Variants in DNAI1 observed in about 807,000 individuals in gnomAD.
DNAI1 encodes the protein dynein axonemal intermediate chain 1.
A neutral mutation model predicts 92.0 loss-of-function variants in DNAI1; 67 were observed. That is an observed-to-expected ratio of 0.73 (90% CI 0.60 to 0.89). DNAI1 has a LOEUF of 0.89. DNAI1 is among the 40% of genes least tolerant of loss of function. The pLI, the probability that DNAI1 is intolerant of heterozygous loss-of-function variation, is 0.00. For synonymous variants in DNAI1, 323 were observed against 319.6 expected (o/e 1.01, Z -0.11); for missense variants, 839 against 866.6 (o/e 0.97, Z 0.40).
At position 34,498,717 on chromosome 9, in the gene DNAI1, G is replaced by A. The variant is rs140007455; in HGVS notation, c.901+1518G>A. On this transcript the variant is annotated intron_variant, in intron 10 of 19. Coordinates refer to ENST00000242317, the MANE Select transcript of DNAI1 (RefSeq NM_012144.4). ...GCCTTCCCAGAGTTGGCAGCTCCTC[G>A]ATGCTGGCTGGTCTCCTTTGCTGAC... Among the ~76,000 whole-genome samples, 9 of 152,274 alleles carry A rather than the reference G, an allele frequency of 5.9e-5. No individual in the cohort carries two copies. In the East Asian group the frequency reaches 1.2e-3, roughly 20 times the overall value.
intron 1 of DNAI1, among the ~76,000 whole-genome samples, chr9:34,471,255 C>G (rs1824128315): frequency 6.7e-6 from 1 of 149,942 alleles, no homozygotes; most frequent in South Asian, 2.1e-4. Flanking sequence ...AGTGAGACCC[C>G]TTCTCTACCA....
At chr9:34,499,247 G>C (rs1251157845) in intron 10 of DNAI1, among the ~76,000 whole-genome samples, 1 of 152,158 alleles carries the variant, frequency 6.6e-6, no homozygotes, top group Non-Finnish European at 1.5e-5. Context: ...AATCTTTTTT[G>C]TTCTGAGACA....
intron 1 of DNAI1, among the ~76,000 whole-genome samples, chr9:34,482,065 A>G (rs556437201): frequency 6.6e-6 from 1 of 152,276 alleles, no homozygotes; most frequent in South Asian, 2.1e-4. Context: ...CCACCTCCCC[A>G]TCAGATTAGT....
rs2132083778 is a variant in DNAI1 at position 34,514,429 on chromosome 9, C to G, written c.1605C>G (p.Thr535=). The G allele has an allele frequency of 6.2e-7, 1 of 1,614,236 alleles. No homozygotes were observed. The highest frequency in any genetic ancestry group is 8.5e-7 in the Non-Finnish European group (1 of 1,180,046). ...SKSYSSQFLD[T]YDAHNMSVDT... is the part of the protein sequence containing the mutation. ...CCTACTCCAGCCAATTCCTCGACAC[C>G]TATGACGCCCACAACATGTCAGTGG... is the stretch of plus-strand genomic sequence containing the variant. The change falls in exon 17 of 20, where the codon ACC becomes ACG. Residue 535 remains threonine, a synonymous_variant. Coordinates refer to ENST00000242317, the MANE Select transcript of DNAI1 (RefSeq NM_012144.4).
intron 13 of DNAI1, among the ~76,000 whole-genome samples, chr9:34,510,649 C>G (rs1219394130): frequency 6.6e-6 from 1 of 152,084 alleles, no homozygotes; most frequent in Non-Finnish European, 1.5e-5. Flanking sequence ...ACACACACCA[C>G]CCCCCACTGG....
In DNAI1 at chr9:34,472,286, G is replaced by T. The variant is rs147035766; in HGVS notation, c.49-11162G>T. 1.9e-3 allele frequency among the ~76,000 whole-genome samples: 290 copies of T among 152,314 alleles called. 8 individuals are homozygous for T. Among genetic ancestry groups the T allele is most frequent in the Admixed American group, 0.016 (247 of 15,296 alleles). On this transcript the variant is annotated intron_variant, in intron 1 of 19. Transcript: ENST00000242317. ...TTCTCCCCCTTACAGATGCAGAAAT[G>T]AAGTTTAGGGACTAAACGCCTTGCT... is the stretch of plus-strand genomic sequence containing the variant.
intron 19 of DNAI1, 115 bp downstream of exon 19, chr9:34,517,582 T>C: frequency 1.6e-6 from 2 of 1,234,020 alleles, no homozygotes; most frequent in Non-Finnish European, 2.3e-6. Flanking sequence ...AGACCCAGGG[T>C]AAGGATGGTG....
intron 13 of DNAI1, among the ~76,000 whole-genome samples, chr9:34,507,754 G>C (rs144496140): frequency 2.8e-4 from 43 of 152,334 alleles, no homozygotes; most frequent in African/African-American, 9.9e-4. Flanking sequence ...GCTGCTGCTG[G>C]TTGCCTGCCC....
Position 34,513,863 on chromosome 9 carries a change from G to C in DNAI1, c.1570-531G>C, listed in dbSNP as rs527565019. 2.6e-5 allele frequency among the ~76,000 whole-genome samples: 4 copies of C among 152,044 alleles called. No homozygotes were observed. In the East Asian group the frequency reaches 7.7e-4, roughly 29 times the overall value. On this transcript the variant is annotated intron_variant, in intron 16 of 19. Coordinates refer to ENST00000242317, the MANE Select transcript of DNAI1 (RefSeq NM_012144.4). ...AGTCACACTGTCTTCTGGAGGGAGG[G>C]AGAAAGGGGCATGCTGGTCAGGGCA...
rs763333062 is a variant in DNAI1, at chr9:34,514,454, G to T, written c.1630G>T (p.Asp544Tyr). Reference protein sequence around the residue: ...DTYDAHNMSVDTVSWNPYHTK... With the variant: ...DTYDAHNMSVYTVSWNPYHTK... ...CTATGACGCCCACAACATGTCAGTG[G>T]ACACTGTGTCCTGGAACCCATACCA... The change falls in exon 17 of 20, where the codon GAC becomes TAC. Residue 544 changes from aspartate (D) to tyrosine (Y), a missense_variant. By Grantham distance (160) the Asp-to-Tyr change is radical. Coordinates refer to ENST00000242317, the MANE Select transcript of DNAI1 (RefSeq NM_012144.4). The T allele has an allele frequency of 6.2e-7, 1 of 1,614,202 alleles. No individual in the cohort carries two copies. Among genetic ancestry groups the T allele is most frequent in the South Asian group, 1.1e-5 (1 of 91,090 alleles).
In DNAI1 at chr9:34,506,761, G is replaced by C; in HGVS notation, c.1198G>C (p.Ala400Pro). The C allele has an allele frequency of 6.2e-7, 1 of 1,614,174 alleles. No homozygotes were observed. The highest frequency in any genetic ancestry group is 8.5e-7 in the Non-Finnish European group (1 of 1,180,040). Reference sequence around the variant, plus strand: ...CCACGTGGACCACCCCTACCTGGTGGCAGTAGGCCACTATGACGGCAACGT... The same window carrying C: ...CCACGTGGACCACCCCTACCTGGTGCCAGTAGGCCACTATGACGGCAACGT... The part of the protein sequence containing the change: ...DIHVDHPYLV[A>P]VGHYDGNVAI... Residue 400 changes from alanine (A) to proline (P), a missense_variant, in exon 13 of 20, where the codon GCA becomes CCA. By Grantham distance (27) the Ala-to-Pro change is conservative. Transcript: ENST00000242317.
chr9:34,465,520 T>C (rs1326597095), intron 1 of DNAI1, among the ~76,000 whole-genome samples: 1 of 152,252 alleles, frequency 6.6e-6, no homozygotes, highest in African/African-American at 2.4e-5. Context: ...TTTGTTATGA[T>C]TATAGTCATG....
intron 1 of DNAI1, among the ~76,000 whole-genome samples, chr9:34,481,379 C>T (rs552693151): frequency 1.3e-5 from 2 of 152,322 alleles, no homozygotes; most frequent in East Asian, 3.9e-4. Context: ...TCGTGATCTT[C>T]ATGGGTCAGT....
chr9:34,462,574 A>G (rs1271572992), intron 1 of DNAI1, among the ~76,000 whole-genome samples: 2 of 152,220 alleles, frequency 1.3e-5, no homozygotes, highest in Non-Finnish European at 2.9e-5. Context: ...ATGAATTCTG[A>G]ATGCCCTAAG....
In DNAI1 at chr9:34,493,357, A is replaced by G. The variant is rs770220348; in HGVS notation, c.816+29A>G. 4 of 1,613,950 alleles carry G rather than the reference A, an allele frequency of 2.5e-6. No individual in the cohort carries two copies. In the South Asian group the frequency reaches 3.3e-5, roughly 13 times the overall value. ...TGGTGTTAGTTCCTACAGCTCTGCC[A>G]CAGAATTTCTGAATGAGGCCTTGGC... On this transcript the variant is annotated intron_variant, in intron 9 of 19. Transcript: ENST00000242317.
chr9:34,482,378 G>T (rs568954518), intron 1 of DNAI1, among the ~76,000 whole-genome samples: 3 of 149,858 alleles, frequency 2.0e-5, no homozygotes, highest in African/African-American at 7.4e-5. Flanking sequence ...TAGATATAAA[G>T]ACTCTGCACG....
chr9:34,512,616 A>G (rs1049703891), intron 15 of DNAI1, among the ~76,000 whole-genome samples, 192 bp downstream of exon 15: 6 of 152,158 alleles, frequency 3.9e-5, no homozygotes, highest in Admixed American at 3.3e-4. Context: ...CTGTTTATGC[A>G]GTTCCCATCC....
intron 9 of DNAI1, 133 bp from the exon 10 acceptor site, chr9:34,496,982 C>A (rs1205749922): frequency 3.9e-6 from 3 of 767,586 alleles, no homozygotes; most frequent in Non-Finnish European, 7.1e-6. Context: ...GCAGAGAAAC[C>A]TTTACAGAGC....
chr9:34,498,615 C>G (rs1053157630), intron 10 of DNAI1, among the ~76,000 whole-genome samples: 2 of 152,240 alleles, frequency 1.3e-5, no homozygotes, highest in African/African-American at 4.8e-5. Flanking sequence ...GAAACAGAAT[C>G]CTTCCCATGG....
Sources: allele counts gnomAD v4.1 joint callset (sites outside exome capture counted in the v4.1 genomes callset), GRCh38; gene constraint gnomAD v4.1.1; transcripts MANE v1.5; gene names NCBI Gene and HGNC (gene_info 2026-07-23, HGNC 2026-07-21).